The following KIF26B variants were observed in gnomAD, a reference collection of about 807,000 sequenced individuals.
KIF26B encodes kinesin family member 26B.
KIF26B carries 63 observed loss-of-function variants against 151.2 expected under a neutral mutation model. That is an observed-to-expected ratio of 0.42 (90% CI 0.34 to 0.51). KIF26B has a LOEUF of 0.51. KIF26B is among the 20% of genes least tolerant of loss of function. The pLI is 0.07. For missense variants in KIF26B, 2,813 were observed against 2,913.6 expected (o/e 0.97, Z 0.79); for synonymous variants, 1,357 against 1,262.1 (o/e 1.08, Z -1.59).
chr1:245,273,089 G>A (rs578202664), intron 2 of KIF26B, among the ~76,000 whole-genome samples: 44 of 151,808 alleles, frequency 2.9e-4, no homozygotes, highest in Non-Finnish European at 5.3e-4. Context: ...CTTTTGTTTG[G>A]CTGACATACT....
intron 4 of KIF26B, among the ~76,000 whole-genome samples, chr1:245,513,965 A>C (rs1034282392): frequency 6.6e-6 from 1 of 152,210 alleles, no homozygotes; most frequent in African/African-American, 2.4e-5. Flanking sequence ...GCACGCTGAA[A>C]GAATGCACCC....
chr1:245,445,469 C>T (rs565365650), intron 4 of KIF26B, among the ~76,000 whole-genome samples: 8 of 152,234 alleles, frequency 5.3e-5, no homozygotes, highest in South Asian at 2.1e-4. Flanking sequence ...GAGAGAAGTG[C>T]GTGCGTGCGC....
intron 2 of KIF26B, among the ~76,000 whole-genome samples, chr1:245,234,911 C>T (rs998606706): frequency 2.6e-5 from 4 of 152,170 alleles, no homozygotes; most frequent in African/African-American, 9.7e-5. Flanking sequence ...GTTGGACACC[C>T]GGTGGCACAC....
At chr1:245,514,507 G>A (rs558300694) in intron 4 of KIF26B, among the ~76,000 whole-genome samples, 120 of 152,098 alleles carry the variant, frequency 7.9e-4, no homozygotes, top group African/African-American at 2.7e-3. Context: ...CAGCCTGGGC[G>A]ACAGAGTAAG....
intron 4 of KIF26B, among the ~76,000 whole-genome samples, chr1:245,460,691 AC>A (rs1659627152): frequency 6.6e-6 from 1 of 152,210 alleles, no homozygotes. Context: ...ACAGATGCCA[AC>A]CTGCCTTTTC....
intron 2 of KIF26B, among the ~76,000 whole-genome samples, chr1:245,252,276 CAAAAA>C (rs5782329): frequency 3.5e-5 from 4 of 113,758 alleles, no homozygotes; most frequent in Admixed American, 8.8e-5. Context: ...GACCTTGTCT[CAAAAA>C]AAAAAAAAAA....
Position 245,479,292 on chromosome 1 carries a change from C to T in KIF26B, c.1166+59547C>T, listed in dbSNP as rs1660111350. 2.0e-5 allele frequency among the ~76,000 whole-genome samples: 3 copies of T among 151,800 alleles called. No homozygotes were observed. In the South Asian group the frequency reaches 6.3e-4, roughly 32 times the overall value. On this transcript the variant is annotated intron_variant, in intron 4 of 14. Transcript: ENST00000407071. Reference sequence around the variant, plus strand: ...ATTTATTGAGTTCCAACAGTGAGCTCCTGTTATCACTAAAAACAGACATCG... The same window carrying T: ...ATTTATTGAGTTCCAACAGTGAGCTTCTGTTATCACTAAAAACAGACATCG...
chr1:245,504,139 C>G (rs201780502), intron 4 of KIF26B, among the ~76,000 whole-genome samples: 1 of 152,114 alleles, frequency 6.6e-6, no homozygotes, highest in African/African-American at 2.4e-5. Context: ...AGTGCCACAG[C>G]GTGGGAAGAG....
intron 4 of KIF26B, among the ~76,000 whole-genome samples, chr1:245,494,755 G>A (rs1003941417): frequency 6.6e-6 from 1 of 152,068 alleles, no homozygotes; most frequent in South Asian, 2.1e-4. Context: ...AAAGAAACTG[G>A]GGCCAGGCGT....
chr1:245,431,633 T>C (rs1264595166), intron 4 of KIF26B, among the ~76,000 whole-genome samples: 1 of 151,928 alleles, frequency 6.6e-6, no homozygotes, highest in South Asian at 2.1e-4. Flanking sequence ...CGTGAACCAC[T>C]GCGCCCAGCC....
At chr1:245,253,663 A>C (rs1233123523) in intron 2 of KIF26B, among the ~76,000 whole-genome samples, 1 of 151,992 alleles carries the variant, frequency 6.6e-6, no homozygotes, top group Admixed American at 6.6e-5. Flanking sequence ...GGGATTATTC[A>C]TGTGTCAATT....
At chr1:245,519,511 A>G (rs1026362907) in intron 4 of KIF26B, among the ~76,000 whole-genome samples, 1 of 151,888 alleles carries the variant, frequency 6.6e-6, no homozygotes, top group Non-Finnish European at 1.5e-5. Context: ...TCGAGGTGGT[A>G]CCACTGCACT....
intron 2 of KIF26B, among the ~76,000 whole-genome samples, chr1:245,165,996 A>G (rs910635612): frequency 3.3e-5 from 5 of 152,190 alleles, no homozygotes; most frequent in Non-Finnish European, 5.9e-5. Flanking sequence ...GGCTCTTATT[A>G]TCTTAAAATG....
chr1:245,403,368 A>C (rs1008239379), intron 3 of KIF26B, among the ~76,000 whole-genome samples: 5 of 152,214 alleles, frequency 3.3e-5, no homozygotes, highest in Non-Finnish European at 7.3e-5. Context: ...GGACTAATCC[A>C]ATTTGAGGTT....
chr1:245,642,710 C>T (rs1042476527), intron 9 of KIF26B, among the ~76,000 whole-genome samples: 3 of 152,086 alleles, frequency 2.0e-5, no homozygotes, highest in African/African-American at 4.8e-5. Flanking sequence ...TCTGGGCCCT[C>T]ATAAGATCTG....
At chr1:245,574,864 C>CTTTTTTTTTTTTTTTTTTTTTT (rs201010492) in intron 5 of KIF26B, among the ~76,000 whole-genome samples, 1 of 126,252 alleles carries the variant, frequency 7.9e-6, no homozygotes, top group Non-Finnish European at 1.7e-5. Context: ...TTTTTTTTTT[C>CTTTTTTTTTTTTTTTTTTTTTT]TTTTTTTTTT....
chr1:245,515,328 A>C (rs1303706407), intron 4 of KIF26B, among the ~76,000 whole-genome samples: 1 of 151,696 alleles, frequency 6.6e-6, no homozygotes, highest in African/African-American at 2.4e-5. Flanking sequence ...ACATCTCTCC[A>C]CGCTTACCGT....
At chr1:245,187,613 T>G (rs1669022319) in intron 2 of KIF26B, among the ~76,000 whole-genome samples, 1 of 152,234 alleles carries the variant, frequency 6.6e-6, no homozygotes, top group Non-Finnish European at 1.5e-5. Context: ...AGGTTCAGGT[T>G]CTTGTCTTGA....
chr1:245,533,080 A>G (rs1661410754), intron 4 of KIF26B, among the ~76,000 whole-genome samples: 1 of 152,100 alleles, frequency 6.6e-6, no homozygotes, highest in African/African-American at 2.4e-5. Flanking sequence ...ACCTTCTCCC[A>G]CTGTGTCATG....
Sources: gnomAD v4.1 joint callset for allele counts (sites outside exome capture counted in the v4.1 genomes callset) on GRCh38, gnomAD v4.1.1 for gene constraint, MANE v1.5 for transcripts, NCBI Gene and HGNC (gene_info 2026-07-23, HGNC 2026-07-21) for gene names.